STXBP5: variants seen among roughly 807,000 people sequenced by gnomAD.
STXBP5 encodes the protein syntaxin binding protein 5, also known as syntaxin-binding protein 5.
A neutral mutation model predicts 152.4 loss-of-function variants in STXBP5; 50 were observed. That is an observed-to-expected ratio of 0.33 (90% CI 0.26 to 0.42). The LOEUF (loss-of-function observed/expected upper bound fraction) is 0.42. STXBP5 is among the 10% of genes least tolerant of loss of function. The probability of loss-of-function intolerance (pLI) is 1.00; values close to 1 mark genes in which losing one functional copy is unlikely to be tolerated. For synonymous variants in STXBP5, 492 were observed against 494.7 expected, an observed-to-expected ratio of 0.99 and a Z score of 0.07; for missense variants, 1,167 against 1,388.6, an observed-to-expected ratio of 0.84 and a Z score of 2.54.
intron 25 of STXBP5, among the ~76,000 whole-genome samples, chr6:147,369,719 A>G (rs1030517293): frequency 6.6e-6 from 1 of 152,022 alleles, no homozygotes; most frequent in Non-Finnish European, 1.5e-5. Context: ...CTGCAAATTA[A>G]AACCACAGTG....
intron 4 of STXBP5, among the ~76,000 whole-genome samples, chr6:147,256,413 A>G (rs1444830705): frequency 6.6e-6 from 1 of 152,228 alleles, no homozygotes; most frequent in Admixed American, 6.5e-5. Flanking sequence ...TATAGGAGGA[A>G]GTGCAAATCC....
At chr6:147,221,433 C>T (rs1047340338) in intron 2 of STXBP5, among the ~76,000 whole-genome samples, 1 of 151,852 alleles carries the variant, frequency 6.6e-6, no homozygotes, top group African/African-American at 2.4e-5. Context: ...AAGAAAAAAA[C>T]AACTTTGACA....
intron 2 of STXBP5, among the ~76,000 whole-genome samples, chr6:147,208,920 T>C (rs1776708526): frequency 1.3e-5 from 2 of 152,138 alleles, no homozygotes; most frequent in African/African-American, 4.8e-5. Flanking sequence ...ATGTATTTAC[T>C]ACATTAATGT....
chr6:147,204,640 G>C lies in STXBP5; in HGVS notation c.108G>C (p.Glu36Asp). 1 of 1,610,700 alleles carries C rather than the reference G, an allele frequency of 6.2e-7. No homozygotes were observed. Among genetic ancestry groups the C allele is most frequent in the Non-Finnish European group, 8.5e-7 (1 of 1,178,294 alleles). ...ATCCGCCTGGGAACCGGGAGCCGGA[G>C]ATCCAGGAAACGCTCCAGTCCGAGC... is the stretch of plus-strand genomic sequence containing the variant. ...QQHPPGNREP[E>D]IQETLQSEHF... is the part of the protein sequence containing the mutation. The change falls in exon 1 of 28, where the codon GAG becomes GAC. Residue 36 changes from glutamate to aspartate, a missense_variant. Transcript: ENST00000321680. This position sits in a 1 kb window ranked among gnomAD's most constrained non-coding sequence, Gnocchi z 4.3.
intron 2 of STXBP5, among the ~76,000 whole-genome samples, chr6:147,211,994 A>C (rs571911688): frequency 4.1e-4 from 62 of 152,278 alleles, no homozygotes; most frequent in Admixed American, 1.2e-3. Context: ...AGCTTGAAAT[A>C]CTCAGCTCAT....
intron 7 of STXBP5, among the ~76,000 whole-genome samples, chr6:147,273,655 T>TA (rs200986120): frequency 1.2e-3 from 184 of 151,850 alleles, no homozygotes; most frequent in African/African-American, 4.2e-3. Flanking sequence ...AGAAGCCTTT[T>TA]AAAAAAAACG....
chr6:147,213,679 G>A (rs1777013341), intron 2 of STXBP5, among the ~76,000 whole-genome samples: 1 of 151,816 alleles, frequency 6.6e-6, no homozygotes, highest in Admixed American at 6.6e-5. Flanking sequence ...ATCAGAATGT[G>A]TATTTGTTTT....
At chr6:147,358,619 C>T (rs1010584493) in intron 22 of STXBP5, among the ~76,000 whole-genome samples, 3 of 152,142 alleles carry the variant, frequency 2.0e-5, no homozygotes, top group Non-Finnish European at 4.4e-5. Context: ...TTCTAAAAGC[C>T]TACTGTTGAC....
intron 3 of STXBP5, among the ~76,000 whole-genome samples, chr6:147,237,027 C>G (rs1433970256): frequency 1.3e-5 from 2 of 152,116 alleles, no homozygotes; most frequent in Non-Finnish European, 2.9e-5. Flanking sequence ...CTGCCTGCCT[C>G]AGTCTCCCAA....
chr6:147,206,997 A>AT (rs1776598680), intron 2 of STXBP5, among the ~76,000 whole-genome samples: 1 of 140,868 alleles, frequency 7.1e-6, no homozygotes, highest in Non-Finnish European at 1.6e-5. Context: ...GGTGATAAAT[A>AT]GAAAAAAAAA....
chr6:147,339,490 C>T, intron 21 of STXBP5, 106 bp downstream of exon 21: 1 of 826,648 alleles, frequency 1.2e-6, no homozygotes, highest in South Asian at 2.7e-5. Flanking sequence ...ATTTGTTGTT[C>T]CTATGCTAAA....
At chr6:147,233,285 C>T (rs1446170759) in intron 2 of STXBP5, among the ~76,000 whole-genome samples, 3 of 151,560 alleles carry the variant, frequency 2.0e-5, no homozygotes, top group South Asian at 2.1e-4. Context: ...ATGCTGCACT[C>T]GTATTGGTTG....
intron 7 of STXBP5, among the ~76,000 whole-genome samples, chr6:147,271,320 C>T (rs568064456): frequency 6.6e-6 from 1 of 151,958 alleles, no homozygotes; most frequent in Non-Finnish European, 1.5e-5. Context: ...TAATATCAAC[C>T]AAGTAGGTAT....
rs1445324544 is a variant in STXBP5 at position 147,388,404 on chromosome 6, CAT to C, written c.*3650_*3651del. The stretch of plus-strand genomic sequence containing the variant: ...GATTTGTTTTAAGATCATACAGTAA[CAT>C]GTTATATTTATACATACTGCTAGAA... On this transcript the variant is annotated 3_prime_UTR_variant, in exon 28 of 28. Transcript: ENST00000321680. The C allele has an allele frequency of 1.3e-5, 2 of 151,538 alleles. No homozygotes were observed. The highest frequency in any genetic ancestry group is 1.9e-4 in the East Asian group (1 of 5,162). The allele number at this position is 151,538 out of a possible 1,614,324, so 9.4% of individuals were successfully genotyped here.
At chr6:147,276,110 AATACT>A (rs1425385294) in intron 7 of STXBP5, among the ~76,000 whole-genome samples, 2 of 152,182 alleles carry the variant, frequency 1.3e-5, no homozygotes, top group East Asian at 3.8e-4. Flanking sequence ...TTTTCTCAAG[AATACT>A]AAAGAAAAAG....
chr6:147,291,335 A>G (rs1781266373), intron 9 of STXBP5, among the ~76,000 whole-genome samples, 163 bp downstream of exon 9: 1 of 152,136 alleles, frequency 6.6e-6, no homozygotes, highest in African/African-American at 2.4e-5. Flanking sequence ...TGGTAAATTT[A>G]GGATAAAATA....
intron 14 of STXBP5, 63 bp downstream of exon 14, chr6:147,314,699 G>A: frequency 8.1e-7 from 1 of 1,236,668 alleles, no homozygotes; most frequent in Non-Finnish European, 1.1e-6. Context: ...TATGCATCCT[G>A]TTTTATAATA....
rs1778625499 is a variant in STXBP5 at position 147,243,007 on chromosome 6, T to C, written c.431+3737T>C. 2.6e-5 allele frequency among the ~76,000 whole-genome samples: 4 copies of C among 152,202 alleles called. 1 individual carries two copies. The South Asian group carries it at 8.3e-4, about 31-fold the overall frequency. ...ATTTCCATTCACCTATTGAAGGATA[T>C]CTTGGTTTTTGCTTTTTTTGGCCAT... On this transcript the variant is annotated intron_variant, in intron 4 of 27. Coordinates refer to ENST00000321680, the MANE Select transcript of STXBP5 (RefSeq NM_001127715.4).
chr6:147,344,488 AT>A (rs1458703562), intron 21 of STXBP5, among the ~76,000 whole-genome samples: 3 of 152,232 alleles, frequency 2.0e-5, no homozygotes, highest in Non-Finnish European at 4.4e-5. Context: ...GGCTTAAACA[AT>A]TCGGGAGGTT....
Sources: gnomAD v4.1 joint callset for allele counts (sites outside exome capture counted in the v4.1 genomes callset) on GRCh38, gnomAD v4.1.1 for gene constraint, Gnocchi (gnomAD v3.1) non-coding constraint, MANE v1.5 for transcripts, NCBI Gene and HGNC (gene_info 2026-07-23, HGNC 2026-07-21) for gene names.